SLC17A2: variants seen among roughly 807,000 people sequenced by gnomAD.
The protein encoded by SLC17A2 is solute carrier family 17 member 2, also known as sodium-dependent phosphate transport protein 3.
A neutral mutation model predicts 52.1 loss-of-function variants in SLC17A2; 38 were observed. The ratio of observed to expected loss-of-function variants is 0.73; its 90% CI spans 0.56 to 0.96. SLC17A2 has a LOEUF of 0.96. Among genes scored for constraint, SLC17A2 ranks in the 40% least tolerant of loss-of-function variants. SLC17A2 has a pLI of 0.00. For missense variants in SLC17A2, 508 were observed against 583.9 expected, an observed-to-expected ratio of 0.87 and a Z score of 1.34; for synonymous variants, 226 against 211.9, an observed-to-expected ratio of 1.07 and a Z score of -0.58.
At chr6:25,919,351 T>C (rs1406537972) in intron 5 of SLC17A2, among the ~76,000 whole-genome samples, 1 of 152,132 alleles carries the variant, frequency 6.6e-6, no homozygotes, top group Non-Finnish European at 1.5e-5. Context: ...AAAATATAAA[T>C]ATAATAAAAC....
At position 25,930,347 on chromosome 6, in the gene SLC17A2, G is replaced by T. The variant is rs988238611; in HGVS notation, c.-154C>A. 2 of 152,180 alleles carry T rather than the reference G, an allele frequency of 1.3e-5. No homozygotes were observed. The highest frequency in any genetic ancestry group is 2.9e-5 in the Non-Finnish European group (2 of 68,050). 9.4% of individuals were successfully genotyped at this position (152,180 alleles called of 1,614,324 possible). On this transcript the variant is annotated 5_prime_UTR_variant, in exon 1 of 12. Transcript: ENST00000377850. ...CAGTGGCTTCTCAAGCCTTGCCCTAGGGTCTTCATTGAATCAGTTATCTTT... is the reference window on the plus strand; with the variant it reads ...CAGTGGCTTCTCAAGCCTTGCCCTATGGTCTTCATTGAATCAGTTATCTTT...
Position 25,925,816 on chromosome 6 carries a change from G to A in SLC17A2, c.-20C>T, listed in dbSNP as rs1766743900. 1 of 1,613,900 alleles carries A rather than the reference G, an allele frequency of 6.2e-7. No homozygotes were observed. The highest frequency in any genetic ancestry group is 1.1e-5 in the South Asian group (1 of 91,070). ...GTCCATTTAGCTTCTGTGGGAAATG[G>A]TACCACGCTTTGTGGTGGAGTTTCC... On this transcript the variant is annotated 5_prime_UTR_variant, in exon 2 of 12. Transcript: ENST00000377850.
intron 1 of SLC17A2, among the ~76,000 whole-genome samples, chr6:25,926,379 A>G (rs548937670): frequency 6.6e-6 from 1 of 152,342 alleles, no homozygotes; most frequent in African/African-American, 2.4e-5. Flanking sequence ...GAAGGATGAC[A>G]TTACATAACA....
chr6:25,925,638 G>A, intron 2 of SLC17A2, 131 bp downstream of exon 2: 2 of 859,232 alleles, frequency 2.3e-6, no homozygotes, highest in Admixed American at 1.7e-5. Flanking sequence ...CAGGATCAGG[G>A]GCTGGAGCTG....
intron 2 of SLC17A2, among the ~76,000 whole-genome samples, chr6:25,925,295 C>T (rs1176336184): frequency 6.6e-6 from 1 of 151,992 alleles, no homozygotes; most frequent in Non-Finnish European, 1.5e-5. Flanking sequence ...CGGTGGATCA[C>T]GAGGTCAGGA....
chr6:25,913,317 T>C lies in SLC17A2; in HGVS notation c.1437A>G (p.Ter479TrpextTer26). 1 of 1,614,178 alleles carries C rather than the reference T, an allele frequency of 6.2e-7. No homozygotes were observed. Among genetic ancestry groups the C allele is most frequent in the Non-Finnish European group, 8.5e-7 (1 of 1,179,994 alleles). The change falls in exon 12 of 12, where the codon TGA (stop) becomes TGG (tryptophan). Residue 479 changes from the stop codon to tryptophan (W), a stop_lost. Transcript: ENST00000377850. ...WAKERTLTRL[*>W] ...CATTTAAGTTTGTAACTTTATGTCCTCAGAGGCGGGTAAGGGTCCTCTCTT... is the reference window on the plus strand; with the variant it reads ...CATTTAAGTTTGTAACTTTATGTCCCCAGAGGCGGGTAAGGGTCCTCTCTT...
At chr6:25,920,977 A>G (rs189189363) in intron 5 of SLC17A2, 29 bp downstream of exon 5, 1 of 1,595,794 alleles carries the variant, frequency 6.3e-7, no homozygotes, top group East Asian at 2.2e-5. Flanking sequence ...AACAGATGAC[A>G]AAGCTATGAC....
At chr6:25,918,661 G>T in intron 5 of SLC17A2, 88 bp from the exon 6 acceptor site, 2 of 799,036 alleles carry the variant, frequency 2.5e-6, no homozygotes, top group South Asian at 1.5e-5. Flanking sequence ...ACAGTGAGGT[G>T]GCAGACTTAG....
At chr6:25,920,864 A>G (rs1766524973) in intron 5 of SLC17A2, 142 bp downstream of exon 5, 1 of 698,726 alleles carries the variant, frequency 1.4e-6, no homozygotes, top group Non-Finnish European at 2.4e-6. Flanking sequence ...CATCTTTCCT[A>G]TTTGTGATGC....
Position 25,917,035 on chromosome 6 carries a change from G to T in SLC17A2, c.702C>A (p.Asp234Glu). Residue 234 changes from aspartate to glutamate, a missense_variant, in exon 7 of 12, where the codon GAC becomes GAA. Coordinates refer to ENST00000377850, the MANE Select transcript of SLC17A2 (RefSeq NM_001286123.3). Reference protein sequence around the residue: ...CLLWFTVIYDDPMHHPCISVR... With the variant: ...CLLWFTVIYDEPMHHPCISVR... ...CACTTATGCACGGGTGATGCATGGG[G>T]TCATCATAAATCACTGTGAACCATA... 2 of 1,614,136 alleles carry T rather than the reference G, an allele frequency of 1.2e-6. No homozygotes were observed. Among genetic ancestry groups the T allele is most frequent in the Non-Finnish European group, 1.7e-6 (2 of 1,180,014 alleles).
At chr6:25,922,724 AT>A (rs997695105) in intron 3 of SLC17A2, among the ~76,000 whole-genome samples, 2 of 152,186 alleles carry the variant, frequency 1.3e-5, no homozygotes, top group African/African-American at 4.8e-5. Context: ...TTAAAGGATA[AT>A]TTTTTTAATT....
chr6:25,916,955 G>A lies in SLC17A2; in HGVS notation c.768+14C>T, dbSNP rs373845302. 65 of 1,594,980 alleles carry A rather than the reference G, an allele frequency of 4.1e-5. No individual in the cohort carries two copies. Among genetic ancestry groups the A allele is most frequent in the Admixed American group, 2.8e-4 (17 of 59,984 alleles). The stretch of plus-strand genomic sequence containing the variant: ...ACCTCTGCATGGGCCACAGGTACAA[G>A]GTGTGCACTGTACCTGTTGAGCCAG... On this transcript the variant is annotated intron_variant, in intron 7 of 11. Coordinates refer to ENST00000377850, the MANE Select transcript of SLC17A2 (RefSeq NM_001286123.3).
intron 6 of SLC17A2, among the ~76,000 whole-genome samples, chr6:25,917,470 C>T (rs1272736693): frequency 6.6e-6 from 1 of 152,206 alleles, no homozygotes; most frequent in Non-Finnish European, 1.5e-5. Flanking sequence ...TGCAGTCATA[C>T]ATACACGAAA....
rs1444511615 is a variant in SLC17A2, at chr6:25,916,706, C to G, written c.909G>C (p.Leu303=). Reference sequence around the variant, plus strand: ...TCACATCTCTGATGTTAACATGGAGCAGAGTACTGATATACGTTGGTAGGT... The same window carrying G: ...TCACATCTCTGATGTTAACATGGAGGAGAGTACTGATATACGTTGGTAGGT... ...LTYLPTYIST[L]LHVNIRDSGV... The change falls in exon 8 of 12, where the codon CTG becomes CTC. Residue 303 remains leucine (L), a synonymous_variant. Coordinates refer to ENST00000377850, the MANE Select transcript of SLC17A2 (RefSeq NM_001286123.3). 1 of 1,613,474 alleles carries G rather than the reference C, an allele frequency of 6.2e-7. No individual in the cohort carries two copies.
At chr6:25,925,736 A>G in intron 2 of SLC17A2, 33 bp downstream of exon 2, 1 of 1,600,060 alleles carries the variant, frequency 6.2e-7, no homozygotes, top group Non-Finnish European at 8.6e-7. Context: ...TCAGCTTATT[A>G]ACATAGCCTG....
In SLC17A2 at chr6:25,914,998, T is replaced by A. The variant is rs142640752; in HGVS notation, c.1212-328A>T. On this transcript the variant is annotated intron_variant, in intron 10 of 11. Transcript: ENST00000377850. ...AGTCCAAATCCTGGCTCTGCCTTTATGTGACCATAGTCACACCATTTAACC... is the reference window on the plus strand; with the variant it reads ...AGTCCAAATCCTGGCTCTGCCTTTAAGTGACCATAGTCACACCATTTAACC... 3.7e-3 allele frequency among the ~76,000 whole-genome samples: 558 copies of A among 151,900 alleles called. 3 individuals carry two copies. Among genetic ancestry groups the A allele is most frequent in the Middle Eastern group, 0.02 (6 of 294 alleles).
intron 2 of SLC17A2, among the ~76,000 whole-genome samples, chr6:25,925,537 C>T (rs897921730): frequency 1.2e-4 from 18 of 151,204 alleles, no homozygotes; most frequent in African/African-American, 4.4e-4. Context: ...AAGACTTTCC[C>T]AAAACTTATT....
intron 6 of SLC17A2, among the ~76,000 whole-genome samples, chr6:25,917,887 C>T (rs1243570389): frequency 6.6e-6 from 1 of 152,150 alleles, no homozygotes. Context: ...GAATGGATTC[C>T]TTGCCTCAAG....
intron 10 of SLC17A2, among the ~76,000 whole-genome samples, chr6:25,915,177 A>ATATATATATATATATATGTG (rs1554137783): frequency 9.3e-6 from 1 of 108,028 alleles, no homozygotes; most frequent in East Asian, 2.3e-4. Flanking sequence ...ATATATATAT[A>ATATATATATATATATATGTG]TGGTAGCTAA....
Sources: allele counts gnomAD v4.1 joint callset (sites outside exome capture counted in the v4.1 genomes callset), GRCh38; gene constraint gnomAD v4.1.1; transcripts MANE v1.5; gene names NCBI Gene and HGNC (gene_info 2026-07-23, HGNC 2026-07-21).